Variants in SCARA3 observed in about 807,000 individuals in gnomAD.
The protein encoded by SCARA3 is scavenger receptor class A member 3.
A neutral mutation model predicts 47.0 loss-of-function variants in SCARA3; 39 were observed. The observed-to-expected ratio is 0.83, with a 90% CI of 0.64 to 1.08. The LOEUF is 1.08. SCARA3 is among the 50% of genes least tolerant of loss of function. The pLI is 0.00. For synonymous variants in SCARA3, 356 were observed against 334.1 expected, an observed-to-expected ratio of 1.07 and a Z score of -0.71; for missense variants, 724 against 792.3, an observed-to-expected ratio of 0.91 and a Z score of 1.04.
chr8:27,707,356 A>G, the SCARA3 span, among the ~76,000 whole-genome samples: 1 of 152,216 alleles, frequency 6.6e-6, no homozygotes, highest in Non-Finnish European at 1.5e-5. Flanking sequence ...GTAGTTTCTC[A>G]TTCTTAAGTA....
chr8:27,669,034 A>G (rs892763452), intron 5 of SCARA3, among the ~76,000 whole-genome samples: 2 of 151,906 alleles, frequency 1.3e-5, no homozygotes, highest in African/African-American at 2.4e-5. Flanking sequence ...AAGGCTGGAG[A>G]TGGGGATTGT....
At chr8:27,707,881 T>C in the SCARA3 span, among the ~76,000 whole-genome samples, 1 of 150,750 alleles carries the variant, frequency 6.6e-6, no homozygotes. Context: ...CATCTAAAAA[T>C]GATGGGAGAA....
chr8:27,676,800 G>A (rs1415264648), downstream of SCARA3: 3 of 443,920 alleles, frequency 6.8e-6, no homozygotes, highest in Non-Finnish European at 1.2e-5. Flanking sequence ...TTTACTAAGG[G>A]GGATGTGATT....
Position 27,649,719 on chromosome 8 carries a change from G to A in SCARA3, c.25G>A (p.Asp9Asn), listed in dbSNP as rs147694657. The A allele has an allele frequency of 1.2e-5, 19 of 1,614,022 alleles. No individual in the cohort carries two copies. The highest frequency in any genetic ancestry group is 2.2e-5 in the East Asian group (1 of 44,874). The stretch of plus-strand genomic sequence containing the variant: ...CATTATAGTGAGGTCGGCCGGCGGC[G>A]ATGGAGATGCCTTGTGCGTTACAGA... MKVRSAGG[D>N]GDALCVTEED... Residue 9 changes from aspartate to asparagine, a missense_variant, in exon 2 of 6, where the codon GAT (aspartate) becomes AAT (asparagine). By Grantham distance (23) the Asp-to-Asn change is conservative. Transcript: ENST00000301904.
intron 1 of SCARA3, 82 bp from the exon 2 acceptor site, chr8:27,649,620 G>T: frequency 7.7e-7 from 1 of 1,298,902 alleles, no homozygotes. Flanking sequence ...GGTGGGCATG[G>T]GATATGGGGA....
chr8:27,640,122 G>A (rs35021311), intron 1 of SCARA3, among the ~76,000 whole-genome samples: 1,966 of 152,254 alleles, frequency 0.013, 46 homozygotes, highest in African/African-American at 0.045. Context: ...TCTCTTTATC[G>A]GGAGGCAAGG....
chr8:27,730,263 T>A, the SCARA3 span, among the ~76,000 whole-genome samples: 1 of 152,202 alleles, frequency 6.6e-6, no homozygotes, highest in Non-Finnish European at 1.5e-5. Context: ...GGACACCAAG[T>A]GGCTCCTAAT....
At chr8:27,696,430 T>G in the SCARA3 span, among the ~76,000 whole-genome samples, 5 of 152,120 alleles carry the variant, frequency 3.3e-5, no homozygotes, top group African/African-American at 1.2e-4. Flanking sequence ...AATCTTTGAA[T>G]CAGTATTTTT....
At position 27,671,699 on chromosome 8, in the gene SCARA3, C is replaced by T; in HGVS notation, c.*348C>T. 2 of 1,066,298 alleles carry T rather than the reference C, an allele frequency of 1.9e-6. No individual in the cohort carries two copies. The highest frequency in any genetic ancestry group is 3.3e-5 in the African/African-American group (2 of 60,370). 66.1% of individuals were successfully genotyped at this position (1,066,298 alleles called of 1,614,324 possible). A position where few individuals can be genotyped will look rare whatever the true frequency, so the allele number is the denominator to read the frequency against. On this transcript the variant is annotated 3_prime_UTR_variant, in exon 6 of 6. Coordinates refer to ENST00000301904, the MANE Select transcript of SCARA3 (RefSeq NM_016240.3). ...ACATACACGTGCACACATACACAGGCACACATGCATGCACACATACACATG... is the reference window on the plus strand; with the variant it reads ...ACATACACGTGCACACATACACAGGTACACATGCATGCACACATACACATG...
chr8:27,681,595 A>C (rs919263880), downstream of SCARA3, among the ~76,000 whole-genome samples: 1 of 151,946 alleles, frequency 6.6e-6, no homozygotes, highest in African/African-American at 2.4e-5. Flanking sequence ...GGTGGCATGC[A>C]CCTGTAGCCC....
downstream of SCARA3, among the ~76,000 whole-genome samples, chr8:27,678,997 G>T (rs1802318913): frequency 6.6e-6 from 1 of 152,108 alleles, no homozygotes; most frequent in African/African-American, 2.4e-5. Flanking sequence ...AGACCACCTT[G>T]GGCAATATAA....
At position 27,671,602 on chromosome 8, in the gene SCARA3, A is replaced by C; in HGVS notation, c.*251A>C. On this transcript the variant is annotated 3_prime_UTR_variant, in exon 6 of 6. Coordinates refer to ENST00000301904, the MANE Select transcript of SCARA3 (RefSeq NM_016240.3). ...CATGCACACATACACGCACATGCAC[A>C]CATACACATGCATGCACACATACAC... 8.1e-7 allele frequency: 1 copy of C among 1,231,114 alleles called. No homozygotes were observed. Among genetic ancestry groups the C allele is most frequent in the Non-Finnish European group, 1.0e-6 (1 of 987,004 alleles). The allele number at this position is 1,231,114 out of a possible 1,614,324, so 76.3% of individuals were successfully genotyped here. A position where few individuals can be genotyped will look rare whatever the true frequency, so the allele number is the denominator to read the frequency against.
chr8:27,713,645 G>A, the SCARA3 span, among the ~76,000 whole-genome samples: 9 of 152,090 alleles, frequency 5.9e-5, no homozygotes, highest in Admixed American at 2.6e-4. Flanking sequence ...CAGGTTCTGT[G>A]TCTCTCTGAG....
chr8:27,730,110 C>CTCAA, the SCARA3 span, among the ~76,000 whole-genome samples: 1 of 152,212 alleles, frequency 6.6e-6, no homozygotes, highest in Admixed American at 6.5e-5. Context: ...CTGCCCCACC[C>CTCAA]TCAAGCACAG....
chr8:27,671,819 A>G lies in SCARA3; in HGVS notation c.*468A>G, dbSNP rs1227320358. On this transcript the variant is annotated 3_prime_UTR_variant, in exon 6 of 6. Coordinates refer to ENST00000301904, the MANE Select transcript of SCARA3 (RefSeq NM_016240.3). ...TCCATGCACACAAACACATATATAC[A>G]CATGCACATACACAGATTTTTCTGC... 4.1e-6 allele frequency: 4 copies of G among 986,206 alleles called. No individual in the cohort carries two copies. In the East Asian group the frequency reaches 3.4e-4, roughly 83 times the overall value. 61.1% of individuals were successfully genotyped at this position (986,206 alleles called of 1,614,324 possible).
chr8:27,707,141 C>T, the SCARA3 span, among the ~76,000 whole-genome samples: 3 of 152,240 alleles, frequency 2.0e-5, no homozygotes, highest in African/African-American at 7.2e-5. Flanking sequence ...GTTCTCCAGC[C>T]CCTTCCTTTT....
the SCARA3 span, among the ~76,000 whole-genome samples, chr8:27,721,364 G>A: frequency 1.3e-5 from 2 of 152,062 alleles, no homozygotes; most frequent in African/African-American, 4.8e-5. Flanking sequence ...TAGGCATTGG[G>A]GACAGAGAAG....
chr8:27,720,241 G>C, the SCARA3 span, among the ~76,000 whole-genome samples: 1 of 152,134 alleles, frequency 6.6e-6, no homozygotes, highest in Non-Finnish European at 1.5e-5. Flanking sequence ...TCTGAGTGGC[G>C]AGGGGAGGCC....
chr8:27,694,673 G>T, the SCARA3 span, among the ~76,000 whole-genome samples: 1 of 152,246 alleles, frequency 6.6e-6, no homozygotes, highest in African/African-American at 2.4e-5. Context: ...TCAGCAAGGA[G>T]CTTACCTCCA....
Sources: gnomAD v4.1 joint callset for allele counts (sites outside exome capture counted in the v4.1 genomes callset) on GRCh38, gnomAD v4.1.1 for gene constraint, MANE v1.5 for transcripts, NCBI Gene and HGNC (gene_info 2026-07-23, HGNC 2026-07-21) for gene names.